The following CREBL2 variants were observed in gnomAD, a reference collection of about 807,000 sequenced individuals.
CREBL2 encodes the protein cAMP-responsive element-binding protein-like 2.
Under a neutral mutation model 19.5 loss-of-function variants are expected in CREBL2, and 4 were observed. That is an observed-to-expected ratio of 0.20 (90% CI 0.10 to 0.47). The LOEUF (loss-of-function observed/expected upper bound fraction) is 0.47, where lower values mean the gene tolerates loss of function less well. Among genes scored for constraint, CREBL2 ranks in the 20% least tolerant of loss-of-function variants. CREBL2 has a pLI of 0.98. For synonymous variants in CREBL2, 42 were observed against 46.6 expected (o/e 0.90, Z 0.40); for missense variants, 85 against 145.1 (o/e 0.59, Z 2.13).
intron 1 of CREBL2, among the ~76,000 whole-genome samples, chr12:12,627,106 G>A (rs1306843041): frequency 1.3e-5 from 2 of 152,074 alleles, no homozygotes; most frequent in African/African-American, 4.8e-5. Flanking sequence ...AGACGATTCT[G>A]TATGATACTG....
chr12:12,617,753 G>A (rs1405012018), intron 1 of CREBL2, among the ~76,000 whole-genome samples: 1 of 146,512 alleles, frequency 6.8e-6, no homozygotes, highest in Non-Finnish European at 1.5e-5. Context: ...AATAGTGGAG[G>A]GAAGGTCAGC....
chr12:12,635,690 A>AT, intron 1 of CREBL2, 87 bp from the exon 2 acceptor site: 1 of 1,459,538 alleles, frequency 6.9e-7, no homozygotes, highest in South Asian at 1.4e-5. Flanking sequence ...TTTGTTTATA[A>AT]ATGTTCTCTT....
In CREBL2 at chr12:12,635,985, G is replaced by A. The variant is rs377763430; in HGVS notation, c.213+11G>A. The A allele has an allele frequency of 3.7e-5, 60 of 1,605,478 alleles. No homozygotes were observed. The highest frequency in any genetic ancestry group is 1.8e-4 in the East Asian group (8 of 44,838). Reference sequence around the variant, plus strand: ...GAGGAACTGGAAATGGTAAGAAATCGTCAGTAAACACATGAAAAAATCACC... The same window carrying A: ...GAGGAACTGGAAATGGTAAGAAATCATCAGTAAACACATGAAAAAATCACC... On this transcript the variant is annotated intron_variant, in intron 2 of 3. Coordinates refer to ENST00000228865, the MANE Select transcript of CREBL2 (RefSeq NM_001310.4).
At chr12:12,631,455 A>G (rs1483872725) in intron 1 of CREBL2, among the ~76,000 whole-genome samples, 2 of 152,170 alleles carry the variant, frequency 1.3e-5, no homozygotes, top group African/African-American at 4.8e-5. Flanking sequence ...AAAAAGCTAG[A>G]TGTGTGGGGT....
At position 12,635,839 on chromosome 12, in the gene CREBL2, G is replaced by A; in HGVS notation, c.78G>A (p.Leu26=). Residue 26 remains leucine, a synonymous_variant, in exon 2 of 4, where the codon TTG becomes TTA. Coordinates refer to ENST00000228865, the MANE Select transcript of CREBL2 (RefSeq NM_001310.4). The part of the protein sequence containing the change: ...KRGRKPAKID[L]KAKLERSRQS... The stretch of plus-strand genomic sequence containing the variant: ...GTCGGAAGCCAGCCAAAATTGACTT[G>A]AAAGCAAAACTTGAGAGGAGCCGGC... 6.2e-7 allele frequency: 1 copy of A among 1,613,938 alleles called. No homozygotes were observed. Among genetic ancestry groups the A allele is most frequent in the Non-Finnish European group, 8.5e-7 (1 of 1,179,962 alleles).
At chr12:12,621,476 C>T (rs977864034) in intron 1 of CREBL2, among the ~76,000 whole-genome samples, 3 of 150,074 alleles carry the variant, frequency 2.0e-5, no homozygotes, top group African/African-American at 7.4e-5. Context: ...TGAGATCACA[C>T]CATTGCACTC....
At chr12:12,632,077 T>TTTC (rs1945446055) in intron 1 of CREBL2, among the ~76,000 whole-genome samples, 1 of 124,160 alleles carries the variant, frequency 8.1e-6, no homozygotes, top group Non-Finnish European at 1.7e-5. Context: ...TCTTTTTTTT[T>TTTC]TTTTTTTTTT....
At chr12:12,631,556 T>C (rs1487119047) in intron 1 of CREBL2, among the ~76,000 whole-genome samples, 1 of 152,258 alleles carries the variant, frequency 6.6e-6, no homozygotes, top group East Asian at 1.9e-4. Context: ...ACAGAAGTTA[T>C]CAGGAAAGAG....
At position 12,643,796 on chromosome 12, in the gene CREBL2, CAT is replaced by C. The variant is rs1347219749; in HGVS notation, c.*1800_*1801del. 2 of 152,404 alleles carry C rather than the reference CAT, an allele frequency of 1.3e-5. No homozygotes were observed. Among genetic ancestry groups the C allele is most frequent in the Non-Finnish European group, 2.9e-5 (2 of 68,016 alleles). 9.4% of individuals were successfully genotyped at this position (152,404 alleles called of 1,614,324 possible). ...TTTAATGTCTTTTTAGGATCATAAA[CAT>C]AAATAGGTTTGTTGATATTCAGGCC... is the stretch of plus-strand genomic sequence containing the variant. On this transcript the variant is annotated 3_prime_UTR_variant, in exon 4 of 4. Coordinates refer to ENST00000228865, the MANE Select transcript of CREBL2 (RefSeq NM_001310.4).
intron 1 of CREBL2, among the ~76,000 whole-genome samples, chr12:12,618,217 G>A (rs900121054): frequency 3.3e-5 from 5 of 149,786 alleles, no homozygotes; most frequent in Admixed American, 6.6e-5. Flanking sequence ...GGGCGGAGAC[G>A]CTCCTCACTT....
In CREBL2 at chr12:12,612,153, A is replaced by T. The variant is rs1380109167; in HGVS notation, c.-20A>T. The T allele has an allele frequency of 1.2e-6, 2 of 1,611,750 alleles. No homozygotes were observed. The highest frequency in any genetic ancestry group is 1.7e-6 in the Non-Finnish European group (2 of 1,179,980). On this transcript the variant is annotated 5_prime_UTR_variant, in exon 1 of 4. Transcript: ENST00000228865. ...GGGCTCCGGGAGGGAGTGCCTGGCCAGGCCGGCCTGTCTGCCGCGATGGAT... is the reference window on the plus strand; with the variant it reads ...GGGCTCCGGGAGGGAGTGCCTGGCCTGGCCGGCCTGTCTGCCGCGATGGAT...
intron 1 of CREBL2, 29 bp downstream of exon 1, chr12:12,612,216 G>T: frequency 6.2e-7 from 1 of 1,613,312 alleles, no homozygotes; most frequent in Non-Finnish European, 8.5e-7. Flanking sequence ...ACGCGCCGCC[G>T]CCTTCTTGTC....
chr12:12,618,132 C>T lies in CREBL2; in HGVS notation c.15+5945C>T, dbSNP rs181504090. Among the ~76,000 whole-genome samples, 159 of 152,310 alleles carry T rather than the reference C, an allele frequency of 1.0e-3. 4 individuals are homozygous for T. The East Asian group carries it at 0.023, about 22-fold the overall frequency. Reference sequence around the variant, plus strand: ...TCCCCACATTTCCCCCTTTTCTATTCGACAAAACTGCCATCGTCATCATGG... The same window carrying T: ...TCCCCACATTTCCCCCTTTTCTATTTGACAAAACTGCCATCGTCATCATGG... On this transcript the variant is annotated intron_variant, in intron 1 of 3. Transcript: ENST00000228865.
intron 1 of CREBL2, among the ~76,000 whole-genome samples, chr12:12,621,315 T>C (rs1309623905): frequency 6.6e-6 from 1 of 152,132 alleles, no homozygotes; most frequent in East Asian, 1.9e-4. Flanking sequence ...GGTCAGGAGT[T>C]CGAGACCAGC....
At chr12:12,633,666 GA>G (rs11334973) in intron 1 of CREBL2, among the ~76,000 whole-genome samples, 133,905 of 152,096 alleles carry the variant, frequency 0.88, 59,866 homozygotes, top group Non-Finnish European at 0.96. Context: ...TGATGTGACA[GA>G]AGTTTGGTAA....
rs371610878 is a variant in CREBL2, at chr12:12,614,522, C to T, written c.15+2335C>T. On this transcript the variant is annotated intron_variant, in intron 1 of 3. Transcript: ENST00000228865. ...TTGCACTGTTGCCCAGGCTGGGGTG[C>T]GTTGGTGTGATCACAACTCACTGCA... 3.1e-3 allele frequency: 472 copies of T among 151,632 alleles called. 2 individuals are homozygous for T. The highest frequency in any genetic ancestry group is 0.011 in the African/African-American group (418 of 37,096). 9.4% of individuals were successfully genotyped at this position (151,632 alleles called of 1,614,324 possible). A position where few individuals can be genotyped will look rare whatever the true frequency, so the allele number is the denominator to read the frequency against.
intron 1 of CREBL2, among the ~76,000 whole-genome samples, chr12:12,619,980 C>A (rs1170152108): frequency 6.6e-6 from 1 of 152,202 alleles, no homozygotes; most frequent in Non-Finnish European, 1.5e-5. Context: ...CTGAGTAGTT[C>A]TGGTTCTCAA....
Position 12,644,161 on chromosome 12 carries a change from GTTAAATTACAAT to G in CREBL2, c.*2167_*2178del, listed in dbSNP as rs1945546901. On this transcript the variant is annotated 3_prime_UTR_variant, in exon 4 of 4. Transcript: ENST00000228865. ...TAGAGGATGTATAATTTTGGGCGAA[GTTAAATTACAAT>G]TTATTTGAGGTTATTCCTAAACCTA... 1 of 152,486 alleles carries G rather than the reference GTTAAATTACAAT, an allele frequency of 6.6e-6. No individual in the cohort carries two copies. The highest frequency in any genetic ancestry group is 2.1e-4 in the South Asian group (1 of 4,832). The allele number at this position is 152,486 out of a possible 1,614,324, so 9.4% of individuals were successfully genotyped here.
chr12:12,619,422 A>G (rs1363582167), intron 1 of CREBL2, among the ~76,000 whole-genome samples: 1 of 152,176 alleles, frequency 6.6e-6, no homozygotes, highest in African/African-American at 2.4e-5. Flanking sequence ...CATGCGCAAC[A>G]TGGCGAAACC....
Sources: gnomAD v4.1 joint callset for allele counts (sites outside exome capture counted in the v4.1 genomes callset) on GRCh38, gnomAD v4.1.1 for gene constraint, MANE v1.5 for transcripts, NCBI Gene and HGNC (gene_info 2026-07-23, HGNC 2026-07-21) for gene names.